KLHL7: variants seen among roughly 807,000 people sequenced by gnomAD.
KLHL7 encodes the protein kelch like family member 7, also known as kelch-like protein 7.
In KLHL7, 44 loss-of-function variants were observed where a neutral mutation model predicts 67.4. That is an observed-to-expected ratio of 0.65 (90% CI 0.51 to 0.84). KLHL7 has a LOEUF of 0.84. KLHL7 is among the 40% of genes least tolerant of loss of function. The pLI, the probability that KLHL7 is intolerant of heterozygous loss-of-function variation, is 0.00. For synonymous variants in KLHL7, 252 were observed against 243.3 expected (o/e 1.04, Z -0.33); for missense variants, 362 against 718.1 (o/e 0.50, Z 5.67).
At chr7:23,126,084 T>C (rs1188958921) in intron 4 of KLHL7, 3 of 585,116 alleles carry the variant, frequency 5.1e-6, no homozygotes. Context: ...TTTGGGGCCA[T>C]TATTAAGTAA....
rs1053696719 is a variant in KLHL7, at chr7:23,125,653, T to G, written c.442+481T>G. 6.1e-6 allele frequency: 8 copies of G among 1,315,580 alleles called. No homozygotes were observed. The Admixed American group carries it at 1.5e-4, about 25-fold the overall frequency. The allele number at this position is 1,315,580 out of a possible 1,614,324, so 81.5% of individuals were successfully genotyped here. On this transcript the variant is annotated intron_variant, in intron 4 of 10. Coordinates refer to ENST00000339077, the MANE Select transcript of KLHL7 (RefSeq NM_001031710.3). Reference sequence around the variant, plus strand: ...CTGCCTCCCCACATTGTCAAAATGCTGTTTTATACTAGAAAACATAACCTT... The same window carrying G: ...CTGCCTCCCCACATTGTCAAAATGCGGTTTTATACTAGAAAACATAACCTT...
intron 7 of KLHL7, among the ~76,000 whole-genome samples, chr7:23,160,581 ATT>A (rs1385061935): frequency 5.9e-5 from 9 of 152,130 alleles, no homozygotes; most frequent in Non-Finnish European, 1.0e-4. Flanking sequence ...CCATTTGTAT[ATT>A]GTTTGTTGCT....
intron 4 of KLHL7, among the ~76,000 whole-genome samples, chr7:23,138,475 A>G (rs1370534918): frequency 1.3e-5 from 2 of 149,074 alleles, no homozygotes; most frequent in Admixed American, 1.4e-4. Flanking sequence ...AAAAAAAAAA[A>G]AAAAAAAAAG....
At chr7:23,141,873 T>C (rs1019222634) in intron 5 of KLHL7, among the ~76,000 whole-genome samples, 7 of 152,088 alleles carry the variant, frequency 4.6e-5, no homozygotes, top group South Asian at 2.1e-4. Context: ...TCTGCCCGCC[T>C]TGGCCTCCCA....
In KLHL7 at chr7:23,174,558, T is replaced by A. The variant is rs1785250748; in HGVS notation, c.*260T>A. ...AGCATTTGTTAAAAATGTGAATTTC[T>A]TGAATGAATTTCACATTTGTAACTA... On this transcript the variant is annotated 3_prime_UTR_variant, in exon 11 of 11. Transcript: ENST00000339077. 1.7e-6 allele frequency: 1 copy of A among 590,008 alleles called. No individual in the cohort carries two copies. The highest frequency in any genetic ancestry group is 3.2e-6 in the Non-Finnish European group (1 of 315,718). 36.5% of individuals were successfully genotyped at this position (590,008 alleles called of 1,614,324 possible).
chr7:23,125,777 TG>T, intron 4 of KLHL7: 3 of 1,499,046 alleles, frequency 2.0e-6, no homozygotes, highest in Non-Finnish European at 2.7e-6. Context: ...CAGAAAAAGT[TG>T]ATCAGAGCCT....
chr7:23,127,901 G>A (rs1212263120), intron 4 of KLHL7, among the ~76,000 whole-genome samples: 3 of 150,940 alleles, frequency 2.0e-5, no homozygotes, highest in Non-Finnish European at 4.4e-5. Flanking sequence ...AGTAGTTTGA[G>A]GAACAGAAAA....
intron 6 of KLHL7, among the ~76,000 whole-genome samples, chr7:23,145,884 C>G (rs1157742710): frequency 3.3e-5 from 5 of 152,316 alleles, no homozygotes; most frequent in Middle Eastern, 3.4e-3. Flanking sequence ...GCACACACCA[C>G]TATGCCCAGC....
intron 1 of KLHL7, among the ~76,000 whole-genome samples, chr7:23,122,691 C>G (rs1783401384): frequency 6.6e-6 from 1 of 152,102 alleles, no homozygotes. Context: ...TATTTTCTCT[C>G]TCATTCTAAA....
At chr7:23,110,028 A>G (rs915265290) in intron 1 of KLHL7, among the ~76,000 whole-genome samples, 1 of 152,156 alleles carries the variant, frequency 6.6e-6, no homozygotes, top group Non-Finnish European at 1.5e-5. Context: ...TCTTTGTGCA[A>G]GGCTCCAAGC....
chr7:23,121,010 C>T (rs116251439), intron 1 of KLHL7, among the ~76,000 whole-genome samples: 228 of 152,276 alleles, frequency 1.5e-3, no homozygotes, highest in African/African-American at 4.9e-3. Flanking sequence ...TTTCCAGCCT[C>T]TAGTATCTTC....
intron 7 of KLHL7, among the ~76,000 whole-genome samples, chr7:23,155,161 T>G (rs894896576): frequency 1.3e-5 from 2 of 152,098 alleles, no homozygotes; most frequent in Non-Finnish European, 2.9e-5. Flanking sequence ...CCTACAGAAA[T>G]CTGGCTTTCT....
intron 1 of KLHL7, among the ~76,000 whole-genome samples, chr7:23,122,274 G>A (rs774251965): frequency 1.3e-5 from 2 of 152,002 alleles, no homozygotes; most frequent in Non-Finnish European, 2.9e-5. Context: ...TCCATCACTG[G>A]CCATAGATTT....
At chr7:23,140,971 T>G in intron 5 of KLHL7, 27 bp downstream of exon 5, 1 of 1,596,908 alleles carries the variant, frequency 6.3e-7, no homozygotes. Context: ...CTCACATTTT[T>G]CTTAATAAAA....
intron 1 of KLHL7, among the ~76,000 whole-genome samples, chr7:23,110,658 A>G (rs1032151904): frequency 8.6e-5 from 13 of 151,580 alleles, no homozygotes; most frequent in Non-Finnish European, 1.6e-4. Context: ...GTACATGTGC[A>G]CAATGTGCAG....
Position 23,140,826 on chromosome 7 carries a change from A to C in KLHL7, c.500A>C (p.Asp167Ala), listed in dbSNP as rs934790653. ...DCPELKATAD[D>A]FIHQHFTEVY... ...CCTGAATTGAAAGCAACTGCAGATG[A>C]CTTTATTCATCAGCACTTTACTGAA... Residue 167 changes from aspartate (D) to alanine (A), a missense_variant, in exon 5 of 11, where the codon GAC becomes GCC. Physicochemically the swap from Asp to Ala is moderately radical, Grantham distance 126. This residue lies in a region of KLHL7 where 155 missense variants were observed against 280.8 expected (regional missense o/e 0.55). Transcript: ENST00000339077. 9 of 1,613,852 alleles carry C rather than the reference A, an allele frequency of 5.6e-6. No homozygotes were observed. Among genetic ancestry groups the C allele is most frequent in the Non-Finnish European group, 5.1e-6 (6 of 1,179,936 alleles).
intron 4 of KLHL7, among the ~76,000 whole-genome samples, chr7:23,140,399 C>CA (rs963874109): frequency 9.2e-5 from 14 of 151,670 alleles, no homozygotes; most frequent in African/African-American, 1.7e-4. Flanking sequence ...CTAAAAAATA[C>CA]AAAAAAAATT....
intron 4 of KLHL7, chr7:23,129,361 A>T (rs560595887): frequency 7.0e-5 from 26 of 372,312 alleles, no homozygotes; most frequent in Non-Finnish European, 1.2e-4. Flanking sequence ...GCTTTTCTTG[A>T]CCAAGGGAAA....
intron 7 of KLHL7, among the ~76,000 whole-genome samples, chr7:23,157,892 G>A (rs1262395220): frequency 6.6e-6 from 1 of 152,202 alleles, no homozygotes; most frequent in East Asian, 1.9e-4. Flanking sequence ...AGTGGAAACA[G>A]AGCTGCACAT....
Sources: allele counts gnomAD v4.1 joint callset (sites outside exome capture counted in the v4.1 genomes callset), GRCh38; gene constraint gnomAD v4.1.1; regional missense constraint gnomAD v4.1.1; transcripts MANE v1.5; gene names NCBI Gene and HGNC (gene_info 2026-07-23, HGNC 2026-07-21).